The following GABRB3 variants were observed in gnomAD, a reference collection of about 807,000 sequenced individuals.
GABRB3 encodes gamma-aminobutyric acid receptor subunit beta-3.
A neutral mutation model predicts 52.1 loss-of-function variants in GABRB3; 14 were observed. The observed-to-expected ratio is 0.27, with a 90% confidence interval of 0.18 to 0.42. The LOEUF (loss-of-function observed/expected upper bound fraction) is 0.42. Ranked by LOEUF, GABRB3 falls within the 10% of genes least tolerant of loss-of-function variation. The probability of loss-of-function intolerance (pLI) is 1.00; values close to 1 mark genes in which losing one functional copy is unlikely to be tolerated. For missense variants in GABRB3, 307 were observed against 609.1 expected, an observed-to-expected ratio of 0.50 and a Z score of 5.22; for synonymous variants, 260 against 232.3, an observed-to-expected ratio of 1.12 and a Z score of -1.08.
chr15:26,617,825 T>C (rs558942826), intron 4 of GABRB3, among the ~76,000 whole-genome samples: 2 of 151,982 alleles, frequency 1.3e-5, no homozygotes, highest in South Asian at 2.1e-4. Flanking sequence ...AGTCTCAGGA[T>C]ACAAAATCAA....
chr15:26,725,088 TCCC>T (rs1305005381), intron 3 of GABRB3, among the ~76,000 whole-genome samples: 2 of 152,078 alleles, frequency 1.3e-5, no homozygotes, highest in African/African-American at 4.8e-5. Context: ...TTAACTGCTG[TCCC>T]CCCATCACAG....
At chr15:26,674,346 A>G (rs1595523079) in intron 3 of GABRB3, among the ~76,000 whole-genome samples, 1 of 145,554 alleles carries the variant, frequency 6.9e-6, no homozygotes, top group Middle Eastern at 3.5e-3. Flanking sequence ...GGCTGCAGTG[A>G]GCCGAGATCA....
chr15:26,633,467 T>C (rs1251849973), intron 3 of GABRB3, among the ~76,000 whole-genome samples: 1 of 152,096 alleles, frequency 6.6e-6, no homozygotes, highest in Non-Finnish European at 1.5e-5. Flanking sequence ...GTTTTTAGAC[T>C]CTCCTCTTTC....
chr15:26,668,337 A>G (rs895383755), intron 3 of GABRB3, among the ~76,000 whole-genome samples: 2 of 152,338 alleles, frequency 1.3e-5, no homozygotes, highest in African/African-American at 4.8e-5. Flanking sequence ...AAATATGAAA[A>G]CAAGATTTGA....
chr15:26,583,549 T>C, intron 4 of GABRB3, 135 bp from the exon 5 acceptor site: 1 of 681,446 alleles, frequency 1.5e-6, no homozygotes, highest in Non-Finnish European at 2.7e-6. Flanking sequence ...ATTCACTATA[T>C]ATAGAGAGAA....
intron 8 of GABRB3, among the ~76,000 whole-genome samples, chr15:26,554,673 G>A (rs1021594165): frequency 2.6e-5 from 4 of 152,168 alleles, no homozygotes; most frequent in African/African-American, 4.8e-5. Flanking sequence ...CGTGTACCAC[G>A]TCCGCGTCAT....
intron 8 of GABRB3, among the ~76,000 whole-genome samples, chr15:26,555,872 C>A (rs1373921952): frequency 6.6e-6 from 1 of 151,970 alleles, no homozygotes; most frequent in Non-Finnish European, 1.5e-5. Flanking sequence ...TAAGCATGAA[C>A]CAGTATGTAG....
chr15:26,642,125 G>A (rs772861296), intron 3 of GABRB3, among the ~76,000 whole-genome samples: 7 of 152,062 alleles, frequency 4.6e-5, no homozygotes, highest in East Asian at 1.9e-4. Flanking sequence ...ACTCCCAGCC[G>A]CAAGCAATCC....
At chr15:26,670,557 G>A (rs1887866706) in intron 3 of GABRB3, among the ~76,000 whole-genome samples, 1 of 152,202 alleles carries the variant, frequency 6.6e-6, no homozygotes, top group Non-Finnish European at 1.5e-5. Context: ...CAGCTCTCGA[G>A]CCGCGCGGCC....
intron 4 of GABRB3, among the ~76,000 whole-genome samples, chr15:26,604,789 A>G (rs1407145553): frequency 6.6e-6 from 1 of 152,084 alleles, no homozygotes; most frequent in African/African-American, 2.4e-5. Context: ...ACACTTAAAT[A>G]CAAGACCTGA....
chr15:26,560,925 A>G lies in GABRB3; in HGVS notation c.1080+7T>C. The stretch of plus-strand genomic sequence containing the variant: ...ACCAGGTGGGGTCAAGGTGGTGGAG[A>G]GCCTACCCGGTTGCTTTCGCTCTTT... On this transcript the variant is annotated splice_region_variant and intron_variant, in intron 8 of 8. Transcript: ENST00000311550. 6.2e-7 allele frequency: 1 copy of G among 1,613,478 alleles called. No homozygotes were observed. Among genetic ancestry groups the G allele is most frequent in the Non-Finnish European group, 8.5e-7 (1 of 1,180,006 alleles).
Position 26,711,852 on chromosome 15 carries a change from C to CAT in GABRB3, c.240+60549_240+60550insAT, listed in dbSNP as rs1566815065. 3.0e-3 allele frequency among the ~76,000 whole-genome samples: 456 copies of CAT among 151,928 alleles called. 3 individuals are homozygous for CAT. Among genetic ancestry groups the CAT allele is most frequent in the African/African-American group, 0.01 (428 of 41,476 alleles). On this transcript the variant is annotated intron_variant, in intron 3 of 8. Transcript: ENST00000311550. ...TGCGATCTTAACACTTGTCAATTTG[C>CAT]GAAAAGTAAAACAAGTAAGGGGAGA...
intron 3 of GABRB3, among the ~76,000 whole-genome samples, chr15:26,646,910 C>G (rs1887029091): frequency 6.6e-6 from 1 of 152,148 alleles, no homozygotes; most frequent in East Asian, 1.9e-4. Context: ...GTGGTGCGAT[C>G]TCGGCTCACT....
intron 3 of GABRB3, among the ~76,000 whole-genome samples, chr15:26,713,681 C>T (rs572377310): frequency 6.6e-5 from 10 of 152,210 alleles, no homozygotes; most frequent in Non-Finnish European, 1.2e-4. Context: ...GGCCGCAACA[C>T]GCTGTTTCCA....
intron 3 of GABRB3, among the ~76,000 whole-genome samples, chr15:26,627,352 G>A (rs1451416434): frequency 1.6e-5 from 1 of 63,108 alleles, no homozygotes; most frequent in East Asian, 2.7e-4. Flanking sequence ...ATAGATCAAG[G>A]AGAAACTGAC....
intron 8 of GABRB3, among the ~76,000 whole-genome samples, chr15:26,552,383 G>C (rs989797008): frequency 7.9e-5 from 12 of 152,322 alleles, no homozygotes; most frequent in South Asian, 4.1e-4. Context: ...GACAAAGTGT[G>C]TCTGCATGTC....
At chr15:26,692,296 C>A (rs1417181702) in intron 3 of GABRB3, among the ~76,000 whole-genome samples, 1 of 151,950 alleles carries the variant, frequency 6.6e-6, no homozygotes, top group African/African-American at 2.4e-5. Context: ...TTTAACATTA[C>A]AACAGAAATA....
intron 3 of GABRB3, among the ~76,000 whole-genome samples, chr15:26,646,733 G>A (rs1005208364): frequency 3.9e-5 from 6 of 152,062 alleles, no homozygotes; most frequent in African/African-American, 9.7e-5. Flanking sequence ...TTAAAATTAT[G>A]GTCATCCTAG....
At chr15:26,727,333 ATGTAT>A (rs1232239780) in intron 3 of GABRB3, among the ~76,000 whole-genome samples, 1 of 152,104 alleles carries the variant, frequency 6.6e-6, no homozygotes, top group Non-Finnish European at 1.5e-5. Context: ...CTATTTAATT[ATGTAT>A]TGTATCAGTG....
Sources: allele counts gnomAD v4.1 joint callset (sites outside exome capture counted in the v4.1 genomes callset), GRCh38; gene constraint gnomAD v4.1.1; transcripts MANE v1.5; gene names NCBI Gene and HGNC (gene_info 2026-07-23, HGNC 2026-07-21).